The following PKIA variants were observed in gnomAD, a reference collection of about 807,000 sequenced individuals.
PKIA encodes the protein PKI-alpha.
A neutral mutation model predicts 7.6 loss-of-function variants in PKIA; 4 were observed. The ratio of observed to expected loss-of-function variants is 0.52; its 90% CI spans 0.26 to 1.20. The LOEUF (loss-of-function observed/expected upper bound fraction) is 1.20, where lower values mean the gene tolerates loss of function less well. Among genes scored for constraint, PKIA ranks in the 50% most tolerant of loss-of-function variants. The probability of loss-of-function intolerance (pLI) is 0.13; values close to 1 mark genes in which losing one functional copy is unlikely to be tolerated. For synonymous variants in PKIA, 21 were observed against 30.7 expected, an observed-to-expected ratio of 0.68 and a Z score of 1.04; for missense variants, 73 against 86.2, an observed-to-expected ratio of 0.85 and a Z score of 0.61.
At chr8:78,516,715 G>A (rs984763801) in intron 1 of PKIA, among the ~76,000 whole-genome samples, 8 of 152,236 alleles carry the variant, frequency 5.3e-5, no homozygotes, top group African/African-American at 1.9e-4. Context: ...TACCATTTCA[G>A]TGCCAGATTC....
At chr8:78,525,886 C>T (rs1262607302) in intron 1 of PKIA, among the ~76,000 whole-genome samples, 1 of 151,850 alleles carries the variant, frequency 6.6e-6, no homozygotes, top group Non-Finnish European at 1.5e-5. Context: ...TGAATCATAC[C>T]TTTACCATTT....
intron 1 of PKIA, among the ~76,000 whole-genome samples, chr8:78,523,830 T>C (rs886974457): frequency 1.3e-5 from 2 of 148,658 alleles, no homozygotes; most frequent in Admixed American, 1.4e-4. Context: ...AGAGTAACTA[T>C]GGTAATATAT....
At chr8:78,580,761 A>T (rs953511564) in intron 2 of PKIA, among the ~76,000 whole-genome samples, 4 of 152,098 alleles carry the variant, frequency 2.6e-5, no homozygotes, top group African/African-American at 9.7e-5. Context: ...AGATGAAGGT[A>T]ATCAGTGTTT....
chr8:78,581,546 G>A (rs1807806624), intron 2 of PKIA, among the ~76,000 whole-genome samples: 1 of 152,088 alleles, frequency 6.6e-6, no homozygotes, highest in Non-Finnish European at 1.5e-5. Flanking sequence ...CTGTTGATAG[G>A]ATGTGGTGAG....
chr8:78,517,613 C>T (rs949976340), intron 1 of PKIA, among the ~76,000 whole-genome samples: 4 of 152,122 alleles, frequency 2.6e-5, no homozygotes, highest in African/African-American at 9.7e-5. Context: ...ATGGAGCTGC[C>T]CAATCTAAGC....
intron 2 of PKIA, among the ~76,000 whole-genome samples, chr8:78,588,648 G>A (rs1419291093): frequency 6.6e-6 from 1 of 152,128 alleles, no homozygotes; most frequent in Non-Finnish European, 1.5e-5. Flanking sequence ...ATTATTTGGT[G>A]TACAGATTAT....
At chr8:78,537,177 G>GTT (rs551095426) in intron 1 of PKIA, among the ~76,000 whole-genome samples, 32 of 140,002 alleles carry the variant, frequency 2.3e-4, no homozygotes, top group Non-Finnish European at 2.8e-4. Context: ...GTTTAGTTTA[G>GTT]TTTTTTTTTT....
intron 2 of PKIA, among the ~76,000 whole-genome samples, chr8:78,596,736 T>G (rs1322876480): frequency 6.6e-6 from 1 of 152,220 alleles, no homozygotes. Flanking sequence ...ACATAAATTA[T>G]TTGCAAGGGC....
chr8:78,594,679 T>C (rs770919940), intron 2 of PKIA, among the ~76,000 whole-genome samples: 1 of 151,942 alleles, frequency 6.6e-6, no homozygotes, highest in Non-Finnish European at 1.5e-5. Context: ...GGGAGAGAAA[T>C]GGGGGGAAAT....
chr8:78,524,115 T>A lies in PKIA; in HGVS notation c.-157+7647T>A, dbSNP rs1247614467. On this transcript the variant is annotated intron_variant, in intron 1 of 3. Transcript: ENST00000396418. ...ATTTATATTTATATATAAATATATG[T>A]ATAAACATTTATATTTATATATAAA... Among the ~76,000 whole-genome samples the A allele has an allele frequency of 6.0e-4, 68 of 113,984 alleles. 8 individuals carry two copies. The highest frequency in any genetic ancestry group is 2.8e-3 in the African/African-American group (63 of 22,306). The allele number at this position is 113,984 out of a possible 152,430, so 74.8% of individuals were successfully genotyped here.
intron 2 of PKIA, among the ~76,000 whole-genome samples, chr8:78,590,086 C>G (rs534554379): frequency 1.3e-5 from 2 of 152,206 alleles, no homozygotes; most frequent in Admixed American, 1.3e-4. Context: ...TCTGAACTTT[C>G]AAACAAAAAT....
intron 2 of PKIA, among the ~76,000 whole-genome samples, chr8:78,598,141 A>G (rs915791974): frequency 6.7e-6 from 1 of 148,772 alleles, no homozygotes; most frequent in East Asian, 1.9e-4. Flanking sequence ...ATGAATATTA[A>G]ATATTACATT....
intron 1 of PKIA, among the ~76,000 whole-genome samples, chr8:78,558,229 G>A (rs543261938): frequency 1.7e-4 from 26 of 152,230 alleles, no homozygotes; most frequent in African/African-American, 6.3e-4. Context: ...TAACACTAAG[G>A]AAACTGAGGC....
intron 1 of PKIA, among the ~76,000 whole-genome samples, chr8:78,531,885 A>C (rs1806394914): frequency 6.6e-6 from 1 of 152,158 alleles, no homozygotes; most frequent in African/African-American, 2.4e-5. Context: ...AAGGACTTGT[A>C]AAGATTTCAA....
intron 1 of PKIA, among the ~76,000 whole-genome samples, chr8:78,530,349 GA>G: frequency 6.6e-6 from 1 of 152,052 alleles, no homozygotes; most frequent in East Asian, 1.9e-4. Flanking sequence ...TATCCTATAG[GA>G]ACTGGTATGT....
intron 1 of PKIA, among the ~76,000 whole-genome samples, chr8:78,542,866 C>G (rs1437516627): frequency 6.6e-6 from 1 of 152,118 alleles, no homozygotes; most frequent in African/African-American, 2.4e-5. Context: ...TGTCTCGTAT[C>G]CATCTGAAGA....
At chr8:78,565,463 A>G (rs1230011543) in intron 1 of PKIA, among the ~76,000 whole-genome samples, 2 of 151,974 alleles carry the variant, frequency 1.3e-5, no homozygotes, top group African/African-American at 4.8e-5. Context: ...ATTTTATATA[A>G]GTGTAAAATT....
At chr8:78,548,268 TA>T (rs968860930) in intron 1 of PKIA, among the ~76,000 whole-genome samples, 2 of 152,136 alleles carry the variant, frequency 1.3e-5, no homozygotes, top group African/African-American at 4.8e-5. Context: ...AGTGATGTTT[TA>T]TTTTTTATAC....
rs539067625 is a variant in PKIA at position 78,573,803 on chromosome 8, AAC to A, written c.-28+868_-28+869del. On this transcript the variant is annotated intron_variant, in intron 2 of 3. Transcript: ENST00000396418. Reference sequence around the variant, plus strand: ...AGTCTCAGAACCCAGTACTATAACTAACACATAAAATATGGGCCATAAATCTT... The same window carrying A: ...AGTCTCAGAACCCAGTACTATAACTAACATAAAATATGGGCCATAAATCTT... Among the ~76,000 whole-genome samples the A allele has an allele frequency of 3.9e-5, 6 of 152,098 alleles. No homozygotes were observed. In the East Asian group the frequency reaches 1.2e-3, roughly 29 times the overall value.
Sources: gnomAD v4.1 joint callset for allele counts (sites outside exome capture counted in the v4.1 genomes callset) on GRCh38, gnomAD v4.1.1 for gene constraint, MANE v1.5 for transcripts, NCBI Gene and HGNC (gene_info 2026-07-23, HGNC 2026-07-21) for gene names.